SHC3: variants seen among roughly 807,000 people sequenced by gnomAD.
SHC3 encodes SHC adaptor protein 3.
Under a neutral mutation model 60.4 loss-of-function variants are expected in SHC3, and 15 were observed. That is an observed-to-expected ratio of 0.25 (90% CI 0.17 to 0.38). The LOEUF (loss-of-function observed/expected upper bound fraction) is 0.38. Ranked by LOEUF, SHC3 falls within the 10% of genes least tolerant of loss-of-function variation. SHC3 has a pLI of 1.00. For synonymous variants in SHC3, 294 were observed against 325.9 expected (o/e 0.90, Z 1.05); for missense variants, 677 against 786.1 (o/e 0.86, Z 1.66).
intron 2 of SHC3, among the ~76,000 whole-genome samples, chr9:89,103,187 G>A (rs1397255116): frequency 6.6e-6 from 1 of 152,190 alleles, no homozygotes; most frequent in Non-Finnish European, 1.5e-5. Context: ...ATATGTTTGA[G>A]GCACGTTAAC....
intron 2 of SHC3, among the ~76,000 whole-genome samples, chr9:89,082,605 G>C (rs1199321699): frequency 6.6e-6 from 1 of 152,160 alleles, no homozygotes; most frequent in Non-Finnish European, 1.5e-5. Flanking sequence ...CTAAGGACTT[G>C]CTCTTATTCT....
intron 1 of SHC3, among the ~76,000 whole-genome samples, chr9:89,155,726 C>A (rs1212556367): frequency 2.6e-5 from 4 of 152,184 alleles, no homozygotes; most frequent in East Asian, 1.9e-4. Context: ...TTCACAAGGA[C>A]TTTCCTTGCC....
intron 11 of SHC3, among the ~76,000 whole-genome samples, chr9:89,028,619 T>C (rs1320378751): frequency 1.4e-5 from 2 of 146,160 alleles, no homozygotes; most frequent in East Asian, 2.0e-4. Flanking sequence ...GCTATAGATA[T>C]AGATTATCTC....
At chr9:89,076,242 A>G (rs1279158087) in intron 3 of SHC3, among the ~76,000 whole-genome samples, 1 of 152,122 alleles carries the variant, frequency 6.6e-6, no homozygotes, top group African/African-American at 2.4e-5. Flanking sequence ...TTGGTTCCCC[A>G]TGGACTGGCC....
chr9:89,021,045 C>T (rs983541708), intron 11 of SHC3, among the ~76,000 whole-genome samples: 6 of 152,166 alleles, frequency 3.9e-5, no homozygotes, highest in Admixed American at 6.5e-5. Flanking sequence ...AGGGACATTT[C>T]GCACTGAGCT....
At chr9:89,094,808 T>C (rs1195688919) in intron 2 of SHC3, among the ~76,000 whole-genome samples, 1 of 152,164 alleles carries the variant, frequency 6.6e-6, no homozygotes, top group African/African-American at 2.4e-5. Context: ...GGAGAGCCAA[T>C]GTCAACTTGC....
At chr9:89,049,044 G>A (rs1193980155) in intron 7 of SHC3, among the ~76,000 whole-genome samples, 2 of 152,150 alleles carry the variant, frequency 1.3e-5, no homozygotes, top group African/African-American at 4.8e-5. Context: ...GGCGGATCAC[G>A]AGGTCAGGAG....
At chr9:89,100,420 C>A (rs1825765841) in intron 2 of SHC3, among the ~76,000 whole-genome samples, 1 of 151,964 alleles carries the variant, frequency 6.6e-6, no homozygotes, top group African/African-American at 2.4e-5. Flanking sequence ...TAATTTTTTG[C>A]AAAGATAGGG....
intron 2 of SHC3, chr9:89,109,215 G>A (rs1825909649): frequency 3.3e-6 from 3 of 898,934 alleles, no homozygotes; most frequent in East Asian, 1.2e-4. Context: ...AAATGAACTT[G>A]TGATTAAAGG....
At chr9:89,108,540 T>TAC (rs141450227) in intron 2 of SHC3, among the ~76,000 whole-genome samples, 10,057 of 148,102 alleles carry the variant, frequency 0.068, 386 homozygotes, top group Admixed American at 0.12. Context: ...TGCATATACA[T>TAC]ACACACACAC....
At chr9:89,051,126 A>T (rs1824854996) in intron 7 of SHC3, among the ~76,000 whole-genome samples, 1 of 152,210 alleles carries the variant, frequency 6.6e-6, no homozygotes, top group Non-Finnish European at 1.5e-5. Context: ...CTTCATAATC[A>T]TAAGAACAAA....
intron 11 of SHC3, among the ~76,000 whole-genome samples, chr9:89,035,830 AATAT>A (rs1185604208): frequency 9.4e-5 from 10 of 106,454 alleles, no homozygotes; most frequent in Admixed American, 2.1e-4. Flanking sequence ...AAACAAACAA[AATAT>A]ATATATATAT....
At chr9:89,058,380 A>ATGT (rs1824991846) in intron 6 of SHC3, among the ~76,000 whole-genome samples, 2 of 131,818 alleles carry the variant, frequency 1.5e-5, no homozygotes, top group African/African-American at 5.8e-5. Flanking sequence ...GGATGGTGGC[A>ATGT]TAGGATGTGG....
chr9:89,083,873 C>A (rs921578482), intron 2 of SHC3, among the ~76,000 whole-genome samples: 6 of 152,090 alleles, frequency 3.9e-5, no homozygotes, highest in Admixed American at 3.9e-4. Context: ...GCCAGCTAGG[C>A]CGAGGGCACG....
At chr9:89,157,865 TC>T (rs1031512195) in intron 1 of SHC3, among the ~76,000 whole-genome samples, 1 of 151,982 alleles carries the variant, frequency 6.6e-6, no homozygotes, top group African/African-American at 2.4e-5. Context: ...CAAGTGACCC[TC>T]CCACCTTCGC....
chr9:89,096,651 G>A (rs1825705985), intron 2 of SHC3, among the ~76,000 whole-genome samples: 1 of 152,116 alleles, frequency 6.6e-6, no homozygotes, highest in South Asian at 2.1e-4. Flanking sequence ...CTTTTATAAT[G>A]CAATATAATT....
intron 2 of SHC3, among the ~76,000 whole-genome samples, chr9:89,090,431 A>G (rs1462812594): frequency 6.6e-6 from 1 of 152,208 alleles, no homozygotes; most frequent in African/African-American, 2.4e-5. Flanking sequence ...ACCTGAATGC[A>G]AGCTGACTGC....
At chr9:89,119,951 C>T (rs1826067474) in intron 1 of SHC3, among the ~76,000 whole-genome samples, 1 of 152,056 alleles carries the variant, frequency 6.6e-6, no homozygotes, top group Non-Finnish European at 1.5e-5. Flanking sequence ...AAGGATGAGC[C>T]ATAAGGTGAT....
At position 89,079,778 on chromosome 9, in the gene SHC3, C is replaced by T. The variant is rs572537713; in HGVS notation, c.546-1875G>A. ...GAATGCACAGGTCTCAGGGCACATTCGCAGATAGAAGAAGTTCCAAAAATT... is the reference window on the plus strand; with the variant it reads ...GAATGCACAGGTCTCAGGGCACATTTGCAGATAGAAGAAGTTCCAAAAATT... On this transcript the variant is annotated intron_variant, in intron 2 of 11. Coordinates refer to ENST00000375835, the MANE Select transcript of SHC3 (RefSeq NM_016848.6). Among the ~76,000 whole-genome samples the T allele has an allele frequency of 6.9e-4, 105 of 152,342 alleles. 1 individual carries two copies. The South Asian group carries it at 0.018, about 26-fold the overall frequency.
Sources: gnomAD v4.1 joint callset for allele counts (sites outside exome capture counted in the v4.1 genomes callset) on GRCh38, gnomAD v4.1.1 for gene constraint, MANE v1.5 for transcripts, NCBI Gene and HGNC (gene_info 2026-07-23, HGNC 2026-07-21) for gene names.